The following BLTP1 variants were observed in gnomAD, a reference collection of about 807,000 sequenced individuals.
BLTP1 encodes fragile site-associated protein.
chr4:122,191,756 A>AT, the BLTP1 span, among the ~76,000 whole-genome samples: 1 of 152,132 alleles, frequency 6.6e-6, no homozygotes, highest in Non-Finnish European at 1.5e-5. Context: ...TTCTATCTAC[A>AT]TATCTTTACG....
the BLTP1 span, among the ~76,000 whole-genome samples, chr4:122,278,714 C>G: frequency 6.6e-6 from 1 of 152,204 alleles, no homozygotes; most frequent in Non-Finnish European, 1.5e-5. Context: ...TCACTGCAAT[C>G]TCCGTCTCCT....
At chr4:122,355,757 T>G in the BLTP1 span, 1 of 1,549,052 alleles carries the variant, frequency 6.5e-7, no homozygotes, top group Non-Finnish European at 8.8e-7. Context: ...CAATGCCTAT[T>G]GTTTTAATTT....
At chr4:122,231,243 T>G in the BLTP1 span, among the ~76,000 whole-genome samples, 3 of 152,210 alleles carry the variant, frequency 2.0e-5, no homozygotes, top group African/African-American at 7.2e-5. Context: ...TGCCAGAAAT[T>G]AATTTCAGTT....
chr4:122,193,669 A>G, the BLTP1 span: 3 of 911,268 alleles, frequency 3.3e-6, no homozygotes, highest in African/African-American at 5.4e-5. Context: ...AAATTAGTTT[A>G]GTTTTTCTAT....
At chr4:122,212,975 C>T in the BLTP1 span, among the ~76,000 whole-genome samples, 4 of 151,980 alleles carry the variant, frequency 2.6e-5, no homozygotes, top group African/African-American at 2.4e-5. Context: ...TTTGTCTAGC[C>T]CAATGAACGC....
At chr4:122,344,338 G>C in the BLTP1 span, 4 of 1,575,024 alleles carry the variant, frequency 2.5e-6, no homozygotes, top group Admixed American at 6.8e-5. Flanking sequence ...GTGTATATAT[G>C]TATATATAGA....
chr4:122,224,048 C>G, the BLTP1 span: 1 of 979,236 alleles, frequency 1.0e-6, no homozygotes, highest in South Asian at 4.7e-5. Flanking sequence ...TCCTCAGAAT[C>G]TATATGGAAG....
At chr4:122,176,008 G>C in the BLTP1 span, 1 of 715,720 alleles carries the variant, frequency 1.4e-6, no homozygotes, top group South Asian at 1.7e-5. Flanking sequence ...AGTTAGAAAA[G>C]TTTAATTTTT....
At chr4:122,243,828 T>C in the BLTP1 span, 4 of 1,451,432 alleles carry the variant, frequency 2.8e-6, no homozygotes, top group Admixed American at 2.6e-5. Context: ...CTTTTTAATA[T>C]ACAATTTGCT....
the BLTP1 span, chr4:122,246,361 C>T: frequency 3.0e-6 from 4 of 1,351,960 alleles, no homozygotes; most frequent in Non-Finnish European, 4.0e-6. Context: ...GGTGTTTGTC[C>T]TTTTCAGTTA....
chr4:122,248,186 A>C, the BLTP1 span: 1 of 860,756 alleles, frequency 1.2e-6, no homozygotes, highest in Non-Finnish European at 1.4e-6. Flanking sequence ...GGGACTTTTC[A>C]TGACTACCTA....
At chr4:122,243,361 C>A in the BLTP1 span, 2 of 958,196 alleles carry the variant, frequency 2.1e-6, no homozygotes, top group Admixed American at 6.2e-5. Flanking sequence ...TTAAAATTTT[C>A]TCATTCAATG....
At chr4:122,268,388 A>G in the BLTP1 span, among the ~76,000 whole-genome samples, 1 of 152,158 alleles carries the variant, frequency 6.6e-6, no homozygotes, top group Non-Finnish European at 1.5e-5. Context: ...TGTATGGATC[A>G]GTTTTCAGCA....
At chr4:122,243,528 G>C in the BLTP1 span, 1 of 699,628 alleles carries the variant, frequency 1.4e-6, no homozygotes, top group Non-Finnish European at 1.8e-6. Context: ...ATCACTTGAG[G>C]TCAGGAATTC....
At chr4:122,304,047 A>G in the BLTP1 span, among the ~76,000 whole-genome samples, 1 of 152,188 alleles carries the variant, frequency 6.6e-6, no homozygotes, top group African/African-American at 2.4e-5. Flanking sequence ...TCAGTGACAC[A>G]AACCTCATTG....
At chr4:122,257,481 T>A in the BLTP1 span, 1 of 1,614,070 alleles carries the variant, frequency 6.2e-7, no homozygotes, top group Non-Finnish European at 8.5e-7. Flanking sequence ...GGAGCAGAAT[T>A]TGAGTTCGAT....
chr4:122,290,964 A>G, the BLTP1 span: 1 of 875,342 alleles, frequency 1.1e-6, no homozygotes, highest in Non-Finnish European at 1.4e-6. Flanking sequence ...GGTAAAAAAA[A>G]CAAGTGTTGT....
At chr4:122,223,010 T>G in the BLTP1 span, 1 of 912,526 alleles carries the variant, frequency 1.1e-6, no homozygotes, top group Non-Finnish European at 1.3e-6. Flanking sequence ...ATACTGAGAA[T>G]TATTGAGTCT....
the BLTP1 span, among the ~76,000 whole-genome samples, chr4:122,308,494 G>A: frequency 6.6e-6 from 1 of 151,970 alleles, no homozygotes; most frequent in Admixed American, 6.6e-5. Context: ...TCATTGGTAT[G>A]GACTTGTTTA....
Sources: gnomAD v4.1 joint callset for allele counts (sites outside exome capture counted in the v4.1 genomes callset) on GRCh38, gnomAD v4.1.1 for gene constraint, MANE v1.5 for transcripts, NCBI Gene and HGNC (gene_info 2026-07-23, HGNC 2026-07-21) for gene names.